MKLN1: variants seen among roughly 807,000 people sequenced by gnomAD.
MKLN1 encodes the protein muskelin 1, also known as muskelin.
Under a neutral mutation model 99.0 loss-of-function variants are expected in MKLN1, and 18 were observed. The observed-to-expected ratio is 0.18, with a 90% CI of 0.13 to 0.27. MKLN1 has a LOEUF of 0.27. MKLN1 is among the 10% of genes least tolerant of loss of function. MKLN1 has a pLI of 1.00. For synonymous variants in MKLN1, 288 were observed against 293.2 expected, an observed-to-expected ratio of 0.98 and a Z score of 0.18; for missense variants, 621 against 875.9, an observed-to-expected ratio of 0.71 and a Z score of 3.67.
intron 3 of MKLN1, among the ~76,000 whole-genome samples, chr7:131,221,784 G>C (rs1287718745): frequency 1.3e-5 from 2 of 151,508 alleles, no homozygotes; most frequent in Non-Finnish European, 2.9e-5. Context: ...GCCTCCCGAA[G>C]TGCTGGGATT....
chr7:131,467,225 G>A (rs1030368851), intron 15 of MKLN1, among the ~76,000 whole-genome samples: 1 of 152,152 alleles, frequency 6.6e-6, no homozygotes, highest in Non-Finnish European at 1.5e-5. Context: ...GAGCCTGAGC[G>A]TTCTGACTCC....
At chr7:131,277,034 C>G (rs987177493) in intron 3 of MKLN1, among the ~76,000 whole-genome samples, 5 of 152,082 alleles carry the variant, frequency 3.3e-5, no homozygotes, top group African/African-American at 1.2e-4. Context: ...CCAGATATAT[C>G]AAGTGGCTTG....
intron 2 of MKLN1, among the ~76,000 whole-genome samples, chr7:131,202,143 T>C (rs1208577472): frequency 7.3e-6 from 1 of 136,290 alleles, no homozygotes; most frequent in Non-Finnish European, 1.6e-5. Context: ...TTGGCACTAT[T>C]GACTTTTTTT....
At chr7:131,305,864 G>T (rs1286110095) in intron 3 of MKLN1, among the ~76,000 whole-genome samples, 1 of 152,128 alleles carries the variant, frequency 6.6e-6, no homozygotes, top group Non-Finnish European at 1.5e-5. Flanking sequence ...CTCTCTCAGG[G>T]AAATATTTAA....
chr7:131,494,011 C>T lies in MKLN1; in HGVS notation c.*6283C>T, dbSNP rs1214977686. The T allele has an allele frequency of 6.6e-6, 1 of 152,166 alleles. No homozygotes were observed. Among genetic ancestry groups the T allele is most frequent in the Non-Finnish European group, 1.5e-5 (1 of 68,024 alleles). 9.4% of individuals were successfully genotyped at this position (152,166 alleles called of 1,614,324 possible). A position where few individuals can be genotyped will look rare whatever the true frequency, so the allele number is the denominator to read the frequency against. On this transcript the variant is annotated 3_prime_UTR_variant, in exon 18 of 18. Transcript: ENST00000352689. The stretch of plus-strand genomic sequence containing the variant: ...CCGTTGTTAACAAATCTCAAGAAAG[C>T]CTTTGTTACAGTTTAGCTCATGTCA...
In MKLN1 at chr7:131,490,490, T is replaced by C. The variant is rs1797397750; in HGVS notation, c.*2762T>C. On this transcript the variant is annotated 3_prime_UTR_variant, in exon 18 of 18. Coordinates refer to ENST00000352689, the MANE Select transcript of MKLN1 (RefSeq NM_013255.5). ...TATTTTGGTAATGGCAGAGACCTCA[T>C]GTGGCCAGTTTGATTGATTGAAGAA... 1 of 152,050 alleles carries C rather than the reference T, an allele frequency of 6.6e-6. No homozygotes were observed. Among genetic ancestry groups the C allele is most frequent in the Non-Finnish European group, 1.5e-5 (1 of 67,608 alleles). The allele number at this position is 152,050 out of a possible 1,614,324, so 9.4% of individuals were successfully genotyped here.
In MKLN1 at chr7:131,428,673, A is replaced by G. The variant is rs563647653; in HGVS notation, c.848-360A>G. Among the ~76,000 whole-genome samples, 66 of 152,350 alleles carry G rather than the reference A, an allele frequency of 4.3e-4. 1 individual carries two copies. Among genetic ancestry groups the G allele is most frequent in the African/African-American group, 1.5e-3 (61 of 41,584 alleles). ...AAAGCTGGTAAATGTAAAGTTTTCA[A>G]GGCCAAACACAGAAACTCCAAACCA... On this transcript the variant is annotated intron_variant, in intron 8 of 17. Coordinates refer to ENST00000352689, the MANE Select transcript of MKLN1 (RefSeq NM_013255.5).
intron 12 of MKLN1, among the ~76,000 whole-genome samples, chr7:131,458,361 T>G (rs1317846682): frequency 6.6e-6 from 1 of 152,182 alleles, no homozygotes; most frequent in African/African-American, 2.4e-5. Context: ...CAATGAAAAC[T>G]AAATCTAAGA....
rs1797561329 is a variant in MKLN1, at chr7:131,496,379, C to G, written c.*8651C>G. On this transcript the variant is annotated 3_prime_UTR_variant, in exon 18 of 18. Coordinates refer to ENST00000352689, the MANE Select transcript of MKLN1 (RefSeq NM_013255.5). ...GTTGGGCTCTGTCGTGTTCTGCAAT[C>G]TTCCCCATTCCCCTCATGATCTCTG... The G allele has an allele frequency of 6.6e-6, 1 of 152,058 alleles. No individual in the cohort carries two copies. Among genetic ancestry groups the G allele is most frequent in the Non-Finnish European group, 1.5e-5 (1 of 68,032 alleles). The allele number at this position is 152,058 out of a possible 1,614,324, so 9.4% of individuals were successfully genotyped here. A position where few individuals can be genotyped will look rare whatever the true frequency, so the allele number is the denominator to read the frequency against.
chr7:131,434,377 A>G (rs532523505), intron 9 of MKLN1, among the ~76,000 whole-genome samples: 3 of 152,226 alleles, frequency 2.0e-5, no homozygotes, highest in South Asian at 4.1e-4. Flanking sequence ...AAAATCTTTT[A>G]CTTTCCATTT....
intron 1 of MKLN1, among the ~76,000 whole-genome samples, chr7:131,372,851 C>G (rs757595042): frequency 6.6e-6 from 1 of 151,236 alleles, no homozygotes; most frequent in Admixed American, 6.6e-5. Context: ...TAGCTGTATA[C>G]GTTTAGGCAA....
At chr7:131,440,783 A>G (rs893208774) in intron 10 of MKLN1, among the ~76,000 whole-genome samples, 2 of 152,182 alleles carry the variant, frequency 1.3e-5, no homozygotes, top group African/African-American at 4.8e-5. Flanking sequence ...ATATTTATCA[A>G]TTGAATTCAG....
rs1448315740 is a variant in MKLN1, at chr7:131,448,185, G to A, written c.1525+2282G>A. On this transcript the variant is annotated intron_variant, in intron 12 of 17. Coordinates refer to ENST00000352689, the MANE Select transcript of MKLN1 (RefSeq NM_013255.5). ...GGAGCTTGCAGTGAGCCGATATCAC[G>A]CCACTGCACTCCACCCTGGGCGACA... Among the ~76,000 whole-genome samples, 5 of 152,234 alleles carry A rather than the reference G, an allele frequency of 3.3e-5. No homozygotes were observed. In the South Asian group the frequency reaches 8.3e-4, roughly 25 times the overall value.
At chr7:131,250,431 T>C (rs1797560467) in intron 3 of MKLN1, among the ~76,000 whole-genome samples, 1 of 152,140 alleles carries the variant, frequency 6.6e-6, no homozygotes, top group Non-Finnish European at 1.5e-5. Flanking sequence ...TCCTAACACA[T>C]GGCCTGGCTT....
At chr7:131,138,869 G>A (rs1795690484) in intron 1 of MKLN1, among the ~76,000 whole-genome samples, 1 of 152,184 alleles carries the variant, frequency 6.6e-6, no homozygotes, top group Non-Finnish European at 1.5e-5. Flanking sequence ...CATTGTATGC[G>A]TCTTGGAAAA....
intron 2 of MKLN1, among the ~76,000 whole-genome samples, chr7:131,156,561 G>A (rs1795970549): frequency 1.3e-5 from 2 of 151,336 alleles, no homozygotes; most frequent in South Asian, 2.1e-4. Flanking sequence ...CTACTCTCTC[G>A]TGAAGCTGGG....
chr7:131,433,984 A>G (rs1563345975), intron 9 of MKLN1, among the ~76,000 whole-genome samples: 2 of 151,650 alleles, frequency 1.3e-5, no homozygotes, highest in South Asian at 4.2e-4. Context: ...CCCAGGTTCA[A>G]GTGATTCTCC....
Position 131,111,767 on chromosome 7 carries a change from CGCATAAAT to C in MKLN1, c.-419+1561_-419+1568del, listed in dbSNP as rs1259655733. Among the ~76,000 whole-genome samples, 9 of 59,496 alleles carry C rather than the reference CGCATAAAT, an allele frequency of 1.5e-4. No homozygotes were observed. The East Asian group carries it at 3.2e-3, about 21-fold the overall frequency. The allele number at this position is 59,496 out of a possible 152,430, so 39.0% of individuals were successfully genotyped here. A position where few individuals can be genotyped will look rare whatever the true frequency, so the allele number is the denominator to read the frequency against. On this transcript the variant is annotated intron_variant, in intron 1 of 7. Coordinates refer to the MKLN1 transcript ENST00000416992. ...ATTTAAGTATACTTCTAAAATGAAACGCATAAATAAATAAATAAATAAATAAATAAATA... is the reference window on the plus strand; with the variant it reads ...ATTTAAGTATACTTCTAAAATGAAACAAATAAATAAATAAATAAATAAATA...
intron 11 of MKLN1, among the ~76,000 whole-genome samples, 191 bp from the exon 12 acceptor site, chr7:131,445,583 C>CAA (rs1190715584): frequency 6.6e-6 from 1 of 152,078 alleles, no homozygotes; most frequent in South Asian, 2.1e-4. Context: ...TCTTCTTTAA[C>CAA]AGGATGTCCT....
Sources: gnomAD v4.1 joint callset for allele counts (sites outside exome capture counted in the v4.1 genomes callset) on GRCh38, gnomAD v4.1.1 for gene constraint, MANE v1.5 for transcripts, NCBI Gene and HGNC (gene_info 2026-07-23, HGNC 2026-07-21) for gene names.